Variants in TBC1D15 observed in about 807,000 individuals in gnomAD.
The protein encoded by TBC1D15 is GAP for RAB7.
A neutral mutation model predicts 95.4 loss-of-function variants in TBC1D15; 39 were observed. That is an observed-to-expected ratio of 0.41 (90% CI 0.32 to 0.53). The LOEUF (loss-of-function observed/expected upper bound fraction) is 0.53, where lower values mean the gene tolerates loss of function less well. TBC1D15 is among the 20% of genes least tolerant of loss of function. The pLI, the probability that TBC1D15 is intolerant of heterozygous loss-of-function variation, is 0.29. For missense variants in TBC1D15, 733 were observed against 794.3 expected (o/e 0.92, Z 0.93); for synonymous variants, 258 against 261.3 (o/e 0.99, Z 0.12).
rs746655043 is a variant in TBC1D15 at position 71,913,891 on chromosome 12, G to T, written c.1366G>T (p.Ala456Ser). 1.8e-5 allele frequency: 28 copies of T among 1,595,776 alleles called. No homozygotes were observed. The highest frequency in any genetic ancestry group is 2.3e-5 in the Non-Finnish European group (27 of 1,173,912). ...ATATGTGATGGAAAATGAAGTGGAT[G>T]CCTTTTGGTGCTTTGCCTCTTACAT... ...LLYVMENEVD[A>S]FWCFASYMDQ... The change falls in exon 12 of 17, where the codon GCC (alanine) becomes TCC (serine). Residue 456 changes from alanine to serine, a missense_variant. Ala to Ser is a moderately conservative substitution (Grantham distance 99, BLOSUM62 1). Transcript: ENST00000485960.
rs1592834003 is a variant in TBC1D15 at position 71,917,605 on chromosome 12, A to G, written c.1402-93A>G. On this transcript the variant is annotated intron_variant, in intron 12 of 16. Coordinates refer to ENST00000485960, the MANE Select transcript of TBC1D15 (RefSeq NM_001146213.3). ...ATTACCAGTGTGGTATAAGTTCAGC[A>G]TTTGTCCTTAGACATCATGTTTTAG... is the stretch of plus-strand genomic sequence containing the variant. 10 of 814,924 alleles carry G rather than the reference A, an allele frequency of 1.2e-5. No homozygotes were observed. In the East Asian group the frequency reaches 2.8e-4, roughly 23 times the overall value. The allele number at this position is 814,924 out of a possible 1,614,324, so 50.5% of individuals were successfully genotyped here. A position where few individuals can be genotyped will look rare whatever the true frequency, so the allele number is the denominator to read the frequency against.
At chr12:71,906,859 A>G (rs1448316865) in intron 10 of TBC1D15, among the ~76,000 whole-genome samples, 163 bp from the exon 11 acceptor site, 1 of 152,202 alleles carries the variant, frequency 6.6e-6, no homozygotes, top group African/African-American at 2.4e-5. Flanking sequence ...ATGTTACTTT[A>G]TTGCATATTT....
At chr12:71,886,686 G>C (rs376070656) in intron 5 of TBC1D15, among the ~76,000 whole-genome samples, 1 of 152,226 alleles carries the variant, frequency 6.6e-6, no homozygotes, top group East Asian at 1.9e-4. Context: ...GCCAGTAAGT[G>C]TAAGAAAGTC....
intron 1 of TBC1D15, among the ~76,000 whole-genome samples, chr12:71,844,061 T>C (rs1007939505): frequency 6.6e-6 from 1 of 152,196 alleles, no homozygotes; most frequent in African/African-American, 2.4e-5. Flanking sequence ...CCCCTTCACC[T>C]CTCACATCTA....
At chr12:71,869,902 A>G (rs150227551) in intron 1 of TBC1D15, among the ~76,000 whole-genome samples, 13 of 152,248 alleles carry the variant, frequency 8.5e-5, no homozygotes, top group South Asian at 2.1e-4. Flanking sequence ...TTCGCTTTGA[A>G]ATATTCAAAT....
chr12:71,854,897 A>G, intron 1 of TBC1D15: 1 of 455,570 alleles, frequency 2.2e-6, no homozygotes, highest in Middle Eastern at 3.3e-4. Context: ...TTTCCATCAG[A>G]CAAAATTCCT....
intron 4 of TBC1D15, among the ~76,000 whole-genome samples, chr12:71,881,474 A>G (rs1323388248): frequency 6.6e-6 from 1 of 152,178 alleles, no homozygotes; most frequent in Admixed American, 6.5e-5. Flanking sequence ...CTCTGGAGAT[A>G]TAGCCTGGGC....
At chr12:71,919,310 G>A (rs985625232) in intron 14 of TBC1D15, among the ~76,000 whole-genome samples, 1 of 151,480 alleles carries the variant, frequency 6.6e-6, no homozygotes, top group African/African-American at 2.4e-5. Context: ...AAGTAGCTGG[G>A]ACTACAGGTC....
At chr12:71,879,019 TAA>T (rs993325874) in intron 3 of TBC1D15, among the ~76,000 whole-genome samples, 1 of 152,174 alleles carries the variant, frequency 6.6e-6, no homozygotes, top group Non-Finnish European at 1.5e-5. Flanking sequence ...TTTTCTCTTT[TAA>T]AAAAGAATTA....
rs899500972 is a variant in TBC1D15, at chr12:71,865,406, T to G, written c.31-6664T>G. ...CCTGGGGAGCAGGGTGTGGCTACAG[T>G]TCAGGAATCTGAGCCAGTAGGGTTC... On this transcript the variant is annotated intron_variant, in intron 1 of 16. Transcript: ENST00000485960. 2.6e-5 allele frequency among the ~76,000 whole-genome samples: 4 copies of G among 152,096 alleles called. No homozygotes were observed. The East Asian group carries it at 7.7e-4, about 29-fold the overall frequency.
intron 5 of TBC1D15, among the ~76,000 whole-genome samples, chr12:71,890,616 G>A (rs1897046621): frequency 6.6e-6 from 1 of 152,094 alleles, no homozygotes; most frequent in African/African-American, 2.4e-5. Context: ...TCTAGGAATG[G>A]GCAACCTAGA....
chr12:71,855,427 C>T (rs1382161908), intron 1 of TBC1D15, among the ~76,000 whole-genome samples: 3 of 152,002 alleles, frequency 2.0e-5, no homozygotes, highest in Non-Finnish European at 2.9e-5. Context: ...CTTGTAATCA[C>T]AGCTTAGGTT....
chr12:71,868,602 A>G (rs1275608249), intron 1 of TBC1D15, among the ~76,000 whole-genome samples: 1 of 152,130 alleles, frequency 6.6e-6, no homozygotes. Context: ...TTCCCCAGCT[A>G]AACTACTTAG....
intron 5 of TBC1D15, among the ~76,000 whole-genome samples, chr12:71,888,844 CTT>C (rs112009881): frequency 0.034 from 4,006 of 118,644 alleles, 173 homozygotes; most frequent in African/African-American, 0.11. Context: ...ATACATGTTT[CTT>C]TTTTTTTTTT....
At chr12:71,896,510 C>T in intron 8 of TBC1D15, 167 bp from the exon 9 acceptor site, 1 of 622,732 alleles carries the variant, frequency 1.6e-6, no homozygotes, top group Non-Finnish European at 2.8e-6. Context: ...CTGCTTACAT[C>T]TTTTGGATCT....
intron 1 of TBC1D15, among the ~76,000 whole-genome samples, chr12:71,865,561 G>A (rs1380730862): frequency 1.3e-5 from 2 of 152,122 alleles, no homozygotes; most frequent in Non-Finnish European, 2.9e-5. Context: ...CAGAATGGCA[G>A]AACACAGCTG....
intron 1 of TBC1D15, chr12:71,849,830 GC>G: frequency 1.8e-6 from 1 of 553,936 alleles, no homozygotes; most frequent in Non-Finnish European, 3.5e-6. Flanking sequence ...ATAGACTTTT[GC>G]CATTCTGTAG....
rs1897843170 is a variant in TBC1D15 at position 71,894,746 on chromosome 12, A to G, written c.718A>G (p.Ile240Val). The G allele has an allele frequency of 2.5e-6, 4 of 1,613,278 alleles. No homozygotes were observed. Among genetic ancestry groups the G allele is most frequent in the Non-Finnish European group, 3.4e-6 (4 of 1,179,422 alleles). ...AGGATTTTCCAAAGTCACAAACTAC[A>G]TTTTTGACAGTTTGAGAGGCAGCGA... ...MIGFSKVTNY[I>V]FDSLRGSDPS... Residue 240 changes from isoleucine (I) to valine (V), a missense_variant, in exon 7 of 17, where the codon ATT (isoleucine) becomes GTT (valine). Physicochemically the swap from Ile to Val is conservative, Grantham distance 29 (BLOSUM62 3). Coordinates refer to ENST00000485960, the MANE Select transcript of TBC1D15 (RefSeq NM_001146213.3).
Position 71,920,720 on chromosome 12 carries a change from G to A in TBC1D15, c.1600-11G>A, listed in dbSNP as rs572490856. ...ATACAATTTGCAAAATAGTTCTTCT[G>A]CCTTCTATAGGTAATGTGGACCGAA... On this transcript the variant is annotated splice_polypyrimidine_tract_variant and intron_variant, in intron 14 of 16. Transcript: ENST00000485960. 6.3e-7 allele frequency: 1 copy of A among 1,594,778 alleles called. No homozygotes were observed. The highest frequency in any genetic ancestry group is 1.3e-5 in the African/African-American group (1 of 74,538).
Sources: gnomAD v4.1 joint callset for allele counts (sites outside exome capture counted in the v4.1 genomes callset) on GRCh38, gnomAD v4.1.1 for gene constraint, MANE v1.5 for transcripts, NCBI Gene and HGNC (gene_info 2026-07-23, HGNC 2026-07-21) for gene names.